Variants in SLC39A8 observed in about 807,000 individuals in gnomAD.
The protein encoded by SLC39A8 is metal cation symporter ZIP8.
SLC39A8 carries 15 observed loss-of-function variants against 40.4 expected under a neutral mutation model. That is an observed-to-expected ratio of 0.37 (90% confidence interval 0.25 to 0.57). The LOEUF (loss-of-function observed/expected upper bound fraction) is 0.57, where lower values mean the gene tolerates loss of function less well. Ranked by LOEUF, SLC39A8 falls within the 20% of genes least tolerant of loss-of-function variation. SLC39A8 has a pLI of 0.75. For missense variants in SLC39A8, 472 were observed against 558.8 expected (o/e 0.84, Z 1.57); for synonymous variants, 223 against 221.6 (o/e 1.01, Z -0.06).
At position 102,262,991 on chromosome 4, in the gene SLC39A8, G is replaced by A. The variant is rs1392949441; in HGVS notation, c.*53C>T. The A allele has an allele frequency of 6.6e-7, 1 of 1,516,156 alleles. No homozygotes were observed. Among genetic ancestry groups the A allele is most frequent in the Non-Finnish European group, 8.8e-7 (1 of 1,132,474 alleles). The allele number at this position is 1,516,156 out of a possible 1,614,324, so 93.9% of individuals were successfully genotyped here. On this transcript the variant is annotated 3_prime_UTR_variant, in exon 9 of 9. Transcript: ENST00000356736. ...GATCAGCTTCAAAATCCTTTTTGGAGATGTTTTTATCTATTAAATGCCTTT... is the reference window on the plus strand; with the variant it reads ...GATCAGCTTCAAAATCCTTTTTGGAAATGTTTTTATCTATTAAATGCCTTT...
chr4:102,268,634 T>C (rs1043575361), intron 6 of SLC39A8, among the ~76,000 whole-genome samples: 2 of 152,234 alleles, frequency 1.3e-5, no homozygotes, highest in Non-Finnish European at 2.9e-5. Flanking sequence ...CAACAACTTA[T>C]TGAGTTTCCA....
Position 102,344,688 on chromosome 4 carries a change from C to A in SLC39A8, c.-26G>T. 2 of 1,425,304 alleles carry A rather than the reference C, an allele frequency of 1.4e-6. No homozygotes were observed. Among genetic ancestry groups the A allele is most frequent in the Non-Finnish European group, 1.8e-6 (2 of 1,097,144 alleles). The allele number at this position is 1,425,304 out of a possible 1,614,324, so 88.3% of individuals were successfully genotyped here. The stretch of plus-strand genomic sequence containing the variant: ...CCTGGCCTGGGCTTCCCCTTGAGGG[C>A]CCGCGACGGGCTGCCGCGCAGAGGG... On this transcript the variant is annotated 5_prime_UTR_variant, in exon 2 of 9. Coordinates refer to ENST00000356736, the MANE Select transcript of SLC39A8 (RefSeq NM_001135146.2).
chr4:102,304,551 G>A (rs1432289707), intron 5 of SLC39A8, 70 bp from the exon 6 acceptor site: 1 of 1,272,670 alleles, frequency 7.9e-7, no homozygotes, highest in African/African-American at 1.5e-5. Context: ...AGGAAATAGA[G>A]TTTACTGCTT....
chr4:102,337,628 A>G (rs767315131), intron 2 of SLC39A8, among the ~76,000 whole-genome samples: 12 of 152,188 alleles, frequency 7.9e-5, no homozygotes, highest in Non-Finnish European at 1.6e-4. Context: ...ACCTATGCAC[A>G]AACCACTTTC....
At chr4:102,280,008 G>A (rs759681221) in intron 6 of SLC39A8, among the ~76,000 whole-genome samples, 2 of 152,166 alleles carry the variant, frequency 1.3e-5, no homozygotes, top group African/African-American at 4.8e-5. Flanking sequence ...ATGTCCAGGT[G>A]CTCAGCAGGT....
downstream of SLC39A8, among the ~76,000 whole-genome samples, chr4:102,258,820 T>C (rs190694202): frequency 6.1e-4 from 93 of 152,346 alleles, 1 homozygote; most frequent in East Asian, 0.015. Flanking sequence ...TTGCCCCACA[T>C]GACTTAGTCC....
intron 6 of SLC39A8, among the ~76,000 whole-genome samples, chr4:102,286,307 C>CT (rs954899994): frequency 2.0e-5 from 3 of 152,108 alleles, no homozygotes; most frequent in African/African-American, 4.8e-5. Flanking sequence ...TCATTATTAA[C>CT]TTTTTTTATC....
chr4:102,287,986 A>G (rs929720846), intron 6 of SLC39A8, among the ~76,000 whole-genome samples: 2 of 152,102 alleles, frequency 1.3e-5, no homozygotes, highest in African/African-American at 4.8e-5. Flanking sequence ...GCATCACACC[A>G]CCAACTACCA....
At chr4:102,317,900 C>A (rs375968946) in intron 2 of SLC39A8, among the ~76,000 whole-genome samples, 1 of 152,136 alleles carries the variant, frequency 6.6e-6, no homozygotes, top group African/African-American at 2.4e-5. Context: ...TGAATCAGGA[C>A]GCCCACTTGC....
chr4:102,278,376 C>T (rs770231699), intron 6 of SLC39A8, among the ~76,000 whole-genome samples: 11 of 152,130 alleles, frequency 7.2e-5, no homozygotes, highest in Non-Finnish European at 1.5e-4. Context: ...GGCCAACAAA[C>T]ATATGAAAAA....
chr4:102,310,057 G>GC (rs1454003319), intron 3 of SLC39A8, among the ~76,000 whole-genome samples: 1 of 151,656 alleles, frequency 6.6e-6, no homozygotes, highest in Non-Finnish European at 1.5e-5. Context: ...ATTTGAAATC[G>GC]CCCCTCATAA....
At chr4:102,335,926 G>A (rs944810508) in intron 2 of SLC39A8, among the ~76,000 whole-genome samples, 2 of 152,238 alleles carry the variant, frequency 1.3e-5, no homozygotes, top group African/African-American at 4.8e-5. Flanking sequence ...TTAGTTGACA[G>A]ACGCTTGGGT....
intron 2 of SLC39A8, among the ~76,000 whole-genome samples, chr4:102,321,672 G>A (rs1734973556): frequency 6.6e-6 from 1 of 152,226 alleles, no homozygotes; most frequent in Non-Finnish European, 1.5e-5. Flanking sequence ...AGGGAACCTA[G>A]GAAGAGAAGC....
At chr4:102,264,786 C>T (rs565862382) in intron 8 of SLC39A8, among the ~76,000 whole-genome samples, 6 of 152,322 alleles carry the variant, frequency 3.9e-5, no homozygotes, top group African/African-American at 1.2e-4. Context: ...TCACCTGACA[C>T]TTTTATGTCA....
At chr4:102,306,684 A>G (rs560430628) in intron 4 of SLC39A8, among the ~76,000 whole-genome samples, 1 of 151,928 alleles carries the variant, frequency 6.6e-6, no homozygotes, top group South Asian at 2.1e-4. Flanking sequence ...GTATACATAT[A>G]TTTCTCTAGT....
intron 2 of SLC39A8, among the ~76,000 whole-genome samples, chr4:102,327,421 G>GT (rs1735260972): frequency 6.6e-6 from 1 of 152,076 alleles, no homozygotes; most frequent in Non-Finnish European, 1.5e-5. Context: ...TAACTTCACT[G>GT]TGACTTTGCA....
Position 102,261,964 on chromosome 4 carries a change from G to C in SLC39A8, c.*1080C>G, listed in dbSNP as rs1013045594. The C allele has an allele frequency of 5.0e-5, 49 of 985,516 alleles. No individual in the cohort carries two copies. The highest frequency in any genetic ancestry group is 5.8e-5 in the Non-Finnish European group (48 of 829,848). The allele number at this position is 985,516 out of a possible 1,614,324, so 61.0% of individuals were successfully genotyped here. On this transcript the variant is annotated 3_prime_UTR_variant, in exon 9 of 9. Transcript: ENST00000356736. ...TAAACAGGCTCTGTCTTTTATAAAA[G>C]GTAGAAAAATAACCATGGTGTGCTA...
intron 6 of SLC39A8, among the ~76,000 whole-genome samples, chr4:102,288,977 A>G (rs1313738747): frequency 2.6e-5 from 4 of 152,152 alleles, no homozygotes; most frequent in African/African-American, 7.2e-5. Flanking sequence ...CAAATTTTCA[A>G]TGTTGGTAAA....
chr4:102,279,943 C>T (rs776446124), intron 6 of SLC39A8, among the ~76,000 whole-genome samples: 12 of 152,132 alleles, frequency 7.9e-5, no homozygotes, highest in South Asian at 2.1e-4. Context: ...CCTCCAGATC[C>T]GCTTTCCGCT....
Sources: gnomAD v4.1 joint callset for allele counts (sites outside exome capture counted in the v4.1 genomes callset) on GRCh38, gnomAD v4.1.1 for gene constraint, MANE v1.5 for transcripts, NCBI Gene and HGNC (gene_info 2026-07-23, HGNC 2026-07-21) for gene names.